RPH3A: variants seen among roughly 807,000 people sequenced by gnomAD.
RPH3A encodes the protein rabphilin 3A, also known as rabphilin-3A.
RPH3A carries 48 observed loss-of-function variants against 102.2 expected under a neutral mutation model. That is an observed-to-expected ratio of 0.47 (90% CI 0.37 to 0.60). RPH3A has a LOEUF of 0.60. Ranked by LOEUF, RPH3A falls within the 20% of genes least tolerant of loss-of-function variation. The pLI is 0.00. For missense variants in RPH3A, 781 were observed against 910.1 expected (o/e 0.86, Z 1.83); for synonymous variants, 310 against 324.3 (o/e 0.96, Z 0.47).
At chr12:112,796,716 C>T (rs968911207) in intron 2 of RPH3A, among the ~76,000 whole-genome samples, 3 of 152,210 alleles carry the variant, frequency 2.0e-5, no homozygotes, top group African/African-American at 7.2e-5. Flanking sequence ...CTACAGTATG[C>T]CTGGCACCAT....
chr12:112,588,486 C>T (rs2039454158), intron 1 of RPH3A, among the ~76,000 whole-genome samples: 1 of 152,214 alleles, frequency 6.6e-6, no homozygotes, highest in Non-Finnish European at 1.5e-5. Context: ...AAAAAACCTG[C>T]TCCCATGATT....
At chr12:112,894,415 C>A in intron 19 of RPH3A, 163 bp from the exon 20 acceptor site, 1 of 675,134 alleles carries the variant, frequency 1.5e-6, no homozygotes, top group Non-Finnish European at 2.5e-6. Context: ...AGTCAAGTGC[C>A]TGGTACCAAG....
intron 1 of RPH3A, among the ~76,000 whole-genome samples, chr12:112,714,386 G>A (rs1467348599): frequency 1.3e-5 from 2 of 152,136 alleles, no homozygotes; most frequent in Non-Finnish European, 2.9e-5. Flanking sequence ...CTCAGGGTGC[G>A]TGCAGGAGCC....
Position 112,879,799 on chromosome 12 carries a change from C to T in RPH3A, c.1251+601C>T, listed in dbSNP as rs564457866. On this transcript the variant is annotated intron_variant, in intron 14 of 21. Coordinates refer to ENST00000389385, the MANE Select transcript of RPH3A (RefSeq NM_001143854.2). ...AACCCCTACCCTGCAAAGCCCCAAG[C>T]CTGGTCCACACAGAAAAACAAGCAG... is the stretch of plus-strand genomic sequence containing the variant. Among the ~76,000 whole-genome samples the T allele has an allele frequency of 3.9e-5, 6 of 152,314 alleles. No homozygotes were observed. In the South Asian group the frequency reaches 1.0e-3, roughly 26 times the overall value.
chr12:112,613,935 T>A (rs1187526144), intron 1 of RPH3A, among the ~76,000 whole-genome samples: 1 of 151,986 alleles, frequency 6.6e-6, no homozygotes, highest in Non-Finnish European at 1.5e-5. Flanking sequence ...CAGAGTGAGA[T>A]CCTGTCTCTA....
intron 1 of RPH3A, among the ~76,000 whole-genome samples, chr12:112,739,151 G>T (rs777009011): frequency 1.3e-5 from 2 of 152,186 alleles, no homozygotes; most frequent in Non-Finnish European, 2.9e-5. Flanking sequence ...TTTCTTCTCT[G>T]CCAACCCTGC....
intron 5 of RPH3A, among the ~76,000 whole-genome samples, chr12:112,853,698 G>A (rs2042363097): frequency 6.6e-6 from 1 of 152,010 alleles, no homozygotes; most frequent in African/African-American, 2.4e-5. Context: ...GTGTGGTGGT[G>A]CATGCCTGTA....
chr12:112,739,634 A>G (rs1057339162), intron 1 of RPH3A, among the ~76,000 whole-genome samples: 52 of 152,316 alleles, frequency 3.4e-4, no homozygotes, highest in African/African-American at 1.3e-3. Flanking sequence ...ACCTGGGTTC[A>G]AATTCTGGCT....
At chr12:112,781,679 C>CCATT (rs547954394) in intron 1 of RPH3A, among the ~76,000 whole-genome samples, 4 of 152,210 alleles carry the variant, frequency 2.6e-5, no homozygotes, top group Non-Finnish European at 5.9e-5. Flanking sequence ...CCCTTTTCAT[C>CCATT]CATTCATTCA....
chr12:112,644,101 A>T (rs2039909934), intron 1 of RPH3A, among the ~76,000 whole-genome samples: 1 of 152,250 alleles, frequency 6.6e-6, no homozygotes, highest in Non-Finnish European at 1.5e-5. Context: ...TAATGTGCAC[A>T]CATGGGCGTA....
At chr12:112,816,529 T>C (rs1189532864) in intron 2 of RPH3A, among the ~76,000 whole-genome samples, 2 of 152,156 alleles carry the variant, frequency 1.3e-5, no homozygotes, top group African/African-American at 4.8e-5. Context: ...ATGTGGTGAG[T>C]ATGCACTGGC....
intron 1 of RPH3A, among the ~76,000 whole-genome samples, chr12:112,751,603 A>G (rs1343169028): frequency 6.6e-6 from 1 of 152,168 alleles, no homozygotes; most frequent in Non-Finnish European, 1.5e-5. Context: ...TGTGCATAAG[A>G]GTCAGATAAA....
intron 5 of RPH3A, among the ~76,000 whole-genome samples, chr12:112,861,552 A>G (rs1312029693): frequency 6.6e-6 from 1 of 152,230 alleles, no homozygotes; most frequent in Non-Finnish European, 1.5e-5. Context: ...GTAGCAGCTG[A>G]GAACAGGGAC....
chr12:112,760,428 A>G (rs2040847581), intron 1 of RPH3A, among the ~76,000 whole-genome samples: 1 of 152,252 alleles, frequency 6.6e-6, no homozygotes, highest in African/African-American at 2.4e-5. Flanking sequence ...AATTAAATTA[A>G]GTATGTGTTC....
At chr12:112,894,486 A>G in intron 19 of RPH3A, 92 bp from the exon 20 acceptor site, 2 of 1,078,334 alleles carry the variant, frequency 1.9e-6, no homozygotes, top group Non-Finnish European at 1.4e-6. Context: ...TTATTCATCA[A>G]TTCACCCTGA....
Position 112,791,867 on chromosome 12 carries a change from G to GGTGAGAGAGAGAGAGAGAGA in RPH3A, c.-284_-283insTGAGAGAGAGAGAGAGAGAG, listed in dbSNP as rs1555209147. 2.1e-5 allele frequency: 1 copy of GGTGAGAGAGAGAGAGAGAGA among 48,484 alleles called. No individual in the cohort carries two copies. The allele number at this position is 48,484 out of a possible 1,614,324, so 3.0% of individuals were successfully genotyped here. A position where few individuals can be genotyped will look rare whatever the true frequency, so the allele number is the denominator to read the frequency against. ...CGCGGACTGGAAAGGAAGGGAGAAG[G>GGTGAGAGAGAGAGAGAGAGA]GAGAGAGAGAGAGAGAGAGAGAGAG... On this transcript the variant is annotated 5_prime_UTR_variant, in exon 1 of 22. Transcript: ENST00000389385.
At chr12:112,802,550 C>T (rs1208938850) in intron 2 of RPH3A, among the ~76,000 whole-genome samples, 4 of 151,784 alleles carry the variant, frequency 2.6e-5, no homozygotes, top group African/African-American at 4.8e-5. Context: ...TGTGTATGTG[C>T]GTGAGTGTGT....
chr12:112,818,332 GAA>G (rs1395609021), intron 2 of RPH3A, among the ~76,000 whole-genome samples: 4 of 133,218 alleles, frequency 3.0e-5, no homozygotes, highest in African/African-American at 1.2e-4. Flanking sequence ...AAAAAAAAAA[GAA>G]GGGTGGAGAG....
intron 1 of RPH3A, among the ~76,000 whole-genome samples, chr12:112,715,479 T>C (rs2040507113): frequency 6.6e-6 from 1 of 152,218 alleles, no homozygotes; most frequent in Non-Finnish European, 1.5e-5. Flanking sequence ...CACTGTTTTC[T>C]TCTTTATAAT....
Sources: gnomAD v4.1 joint callset for allele counts (sites outside exome capture counted in the v4.1 genomes callset) on GRCh38, gnomAD v4.1.1 for gene constraint, MANE v1.5 for transcripts, NCBI Gene and HGNC (gene_info 2026-07-23, HGNC 2026-07-21) for gene names.